Variants in PCSK2 observed in about 807,000 individuals in gnomAD.
The protein encoded by PCSK2 is proprotein convertase subtilisin/kexin type 2.
PCSK2 carries 14 observed loss-of-function variants against 69.7 expected under a neutral mutation model. The observed-to-expected ratio is 0.20, with a 90% CI of 0.13 to 0.31. The LOEUF (loss-of-function observed/expected upper bound fraction) is 0.31. PCSK2 is among the 10% of genes least tolerant of loss of function. PCSK2 has a pLI of 1.00. For synonymous variants in PCSK2, 307 were observed against 320.7 expected (o/e 0.96, Z 0.46); for missense variants, 544 against 842.5 (o/e 0.65, Z 4.39).
At chr20:17,244,519 C>T (rs1986700950) in intron 1 of PCSK2, among the ~76,000 whole-genome samples, 1 of 152,206 alleles carries the variant, frequency 6.6e-6, no homozygotes, top group Admixed American at 6.5e-5. Flanking sequence ...AAGATCCACT[C>T]AAATCCCCAT....
chr20:17,338,735 A>G (rs1205481428), intron 2 of PCSK2, among the ~76,000 whole-genome samples: 3 of 152,122 alleles, frequency 2.0e-5, no homozygotes, highest in Admixed American at 2.0e-4. Flanking sequence ...GGATGGTACT[A>G]GGAGATGAGA....
rs557666888 is a variant in PCSK2 at position 17,423,953 on chromosome 20, T to C, written c.621-5482T>C. ...TAGCAAAAATGGTAACATTCAACAA[T>C]GATCAATGTTGAAAAGGATTGAGCA... On this transcript the variant is annotated intron_variant, in intron 6 of 11. Transcript: ENST00000262545. Among the ~76,000 whole-genome samples the C allele has an allele frequency of 1.7e-3, 260 of 152,254 alleles. 2 individuals are homozygous for C. The highest frequency in any genetic ancestry group is 1.5e-3 in the Non-Finnish European group (101 of 68,024).
chr20:17,323,189 A>G (rs1989927868), intron 2 of PCSK2, among the ~76,000 whole-genome samples: 1 of 152,190 alleles, frequency 6.6e-6, no homozygotes, highest in African/African-American at 2.4e-5. Context: ...TAATACCACC[A>G]TAATGGGAAG....
chr20:17,317,153 T>A (rs552050084), intron 2 of PCSK2, among the ~76,000 whole-genome samples: 1 of 152,306 alleles, frequency 6.6e-6, no homozygotes, highest in African/African-American at 2.4e-5. Context: ...TAAATCAACT[T>A]AGCCTCTCTA....
At chr20:17,386,595 T>C (rs1305931314) in intron 5 of PCSK2, among the ~76,000 whole-genome samples, 1 of 152,110 alleles carries the variant, frequency 6.6e-6, no homozygotes, top group Non-Finnish European at 1.5e-5. Flanking sequence ...ATCAAACTCA[T>C]AGAGACAAAA....
At chr20:17,452,549 A>T (rs547927440) in intron 8 of PCSK2, among the ~76,000 whole-genome samples, 32 of 152,292 alleles carry the variant, frequency 2.1e-4, no homozygotes, top group African/African-American at 7.5e-4. Context: ...TGTCAGTTTC[A>T]AGCGTAAGGA....
intron 5 of PCSK2, among the ~76,000 whole-genome samples, chr20:17,372,698 A>G (rs1422049459): frequency 6.6e-6 from 1 of 152,172 alleles, no homozygotes. Flanking sequence ...ATATATTTAC[A>G]TATGGCTGTG....
intron 2 of PCSK2, among the ~76,000 whole-genome samples, chr20:17,348,786 C>G (rs531119941): frequency 6.6e-6 from 1 of 152,258 alleles, no homozygotes; most frequent in African/African-American, 2.4e-5. Context: ...TATGATGACA[C>G]CAGTTATATT....
chr20:17,226,195 C>T (rs1272785463), upstream of PCSK2: 1 of 152,212 alleles, frequency 6.6e-6, no homozygotes, highest in Non-Finnish European at 1.5e-5. Context: ...CGCGTCTCTC[C>T]TGAAGGCAGA....
At chr20:17,405,425 A>G (rs2031730875) in intron 5 of PCSK2, among the ~76,000 whole-genome samples, 1 of 152,164 alleles carries the variant, frequency 6.6e-6, no homozygotes, top group Admixed American at 6.5e-5. Context: ...CTGTGGATGT[A>G]AAAGCAATGG....
chr20:17,441,982 C>G (rs2123360670), intron 8 of PCSK2, among the ~76,000 whole-genome samples: 1 of 147,972 alleles, frequency 6.8e-6, no homozygotes, highest in East Asian at 2.0e-4. Context: ...GGATGGGCCC[C>G]TAATCCAATA....
In PCSK2 at chr20:17,270,749, A is replaced by AAAGC. The variant is rs1568578126; in HGVS notation, c.282+10407_282+10408insGCAA. ...GTTTCTTCTCCCAACAGAAGCAAAG[A>AAAGC]AAAGCAATTAAAACCTATTGTGTGG... On this transcript the variant is annotated intron_variant, in intron 2 of 11. Transcript: ENST00000262545. Among the ~76,000 whole-genome samples the AAAGC allele has an allele frequency of 6.9e-3, 1,047 of 152,134 alleles. 11 individuals are homozygous for AAAGC. Among genetic ancestry groups the AAAGC allele is most frequent in the African/African-American group, 0.023 (968 of 41,516 alleles).
At chr20:17,396,991 C>T (rs2031525332) in intron 5 of PCSK2, among the ~76,000 whole-genome samples, 1 of 152,156 alleles carries the variant, frequency 6.6e-6, no homozygotes, top group Non-Finnish European at 1.5e-5. Context: ...GAATTCGAAT[C>T]TGCTTCAAGC....
At chr20:17,324,252 C>T (rs949879238) in intron 2 of PCSK2, among the ~76,000 whole-genome samples, 1 of 152,066 alleles carries the variant, frequency 6.6e-6, no homozygotes, top group Non-Finnish European at 1.5e-5. Context: ...TCAAATGATA[C>T]CAGGCTATAA....
At position 17,360,544 on chromosome 20, in the gene PCSK2, C is replaced by A. The variant is rs1360032738; in HGVS notation, c.409C>A (p.Gln137Lys). ...ATTCCTGTACCAGATCAATACTGGG[C>A]AAGCTGATGGCACTCCTGGCCTTGA... is the stretch of plus-strand genomic sequence containing the variant. Reference protein sequence around the residue: ...TKQWYLINTGQADGTPGLDLN... With the variant: ...TKQWYLINTGKADGTPGLDLN... Residue 137 changes from glutamine to lysine, a missense_variant, in exon 4 of 12, where the codon CAA (glutamine) becomes AAA (lysine). Gln to Lys is a moderately conservative substitution (Grantham distance 53). Around this residue, in one of 3 missense-constraint regions of PCSK2, gnomAD observed 187 missense variants for 399.8 expected, o/e 0.47. Transcript: ENST00000262545. 1.9e-6 allele frequency: 3 copies of A among 1,608,862 alleles called. No homozygotes were observed. The highest frequency in any genetic ancestry group is 1.1e-5 in the South Asian group (1 of 90,464).
intron 2 of PCSK2, among the ~76,000 whole-genome samples, chr20:17,346,063 G>A (rs1284623647): frequency 1.3e-5 from 2 of 152,140 alleles, no homozygotes; most frequent in Non-Finnish European, 2.9e-5. Flanking sequence ...ACATTAATGA[G>A]GCCCCCCTCC....
chr20:17,409,329 T>A lies in PCSK2; in HGVS notation c.610T>A (p.Trp204Arg). The A allele has an allele frequency of 6.2e-7, 1 of 1,612,252 alleles. No individual in the cohort carries two copies. Among genetic ancestry groups the A allele is most frequent in the Non-Finnish European group, 8.5e-7 (1 of 1,178,316 alleles). Reference protein sequence around the residue: ...PYPYPRYTDDWFNSHGTRCAG... With the variant: ...PYPYPRYTDDRFNSHGTRCAG... ...TCCTTACCCTCGGTACACAGATGAC[T>A]GGTTTAACAGGTAAACTGGGCCTTG... is the stretch of plus-strand genomic sequence containing the variant. Residue 204 changes from tryptophan to arginine, a missense_variant, in exon 6 of 12, where the codon TGG becomes AGG. Trp to Arg is a moderately radical substitution (Grantham distance 101). Around this residue, in one of 3 missense-constraint regions of PCSK2, gnomAD observed 187 missense variants for 399.8 expected, o/e 0.47. Transcript: ENST00000262545.
intron 7 of PCSK2, 35 bp downstream of exon 7, chr20:17,429,558 G>T: frequency 7.3e-7 from 1 of 1,361,516 alleles, no homozygotes; most frequent in Non-Finnish European, 1.0e-6. Context: ...GCCCCCACTA[G>T]GTATCACACT....
chr20:17,241,046 A>G (rs995334867), intron 1 of PCSK2, among the ~76,000 whole-genome samples: 3 of 152,232 alleles, frequency 2.0e-5, no homozygotes, highest in African/African-American at 7.2e-5. Context: ...GTTCGCGCTG[A>G]TTACAGACAA....
Sources: allele counts gnomAD v4.1 joint callset (sites outside exome capture counted in the v4.1 genomes callset), GRCh38; gene constraint gnomAD v4.1.1; regional missense constraint gnomAD v4.1.1; transcripts MANE v1.5; gene names NCBI Gene and HGNC (gene_info 2026-07-23, HGNC 2026-07-21).